Variants in IMMP2L observed in about 807,000 individuals in gnomAD.
IMMP2L encodes inner mitochondrial membrane peptidase subunit 2, also known as mitochondrial inner membrane protease subunit 2.
Under a neutral mutation model 19.3 loss-of-function variants are expected in IMMP2L, and 18 were observed. The ratio of observed to expected loss-of-function variants is 0.93; its 90% CI spans 0.64 to 1.38. IMMP2L has a LOEUF of 1.38. IMMP2L is among the 40% of genes most tolerant of loss of function. The pLI, the probability that IMMP2L is intolerant of heterozygous loss-of-function variation, is 0.00. For synonymous variants in IMMP2L, 76 were observed against 73.0 expected (o/e 1.04, Z -0.21); for missense variants, 233 against 218.2 (o/e 1.07, Z -0.43).
chr7:111,445,278 A>G (rs1187631367), intron 3 of IMMP2L, among the ~76,000 whole-genome samples: 3 of 152,096 alleles, frequency 2.0e-5, no homozygotes, highest in Non-Finnish European at 4.4e-5. Context: ...GAAATCTCAT[A>G]TATTTTTCCA....
At chr7:111,152,029 T>A (rs536795429) in intron 3 of IMMP2L, among the ~76,000 whole-genome samples, 15 of 152,250 alleles carry the variant, frequency 9.9e-5, no homozygotes, top group African/African-American at 3.6e-4. Flanking sequence ...TCTGTATGAA[T>A]GACCTTATCC....
rs886703125 is a variant in IMMP2L, at chr7:111,283,700, G to A, written c.239+203538C>T. On this transcript the variant is annotated intron_variant, in intron 3 of 5. Transcript: ENST00000405709. ...AAAAGAGACATGATTGGCCGGGCGC[G>A]GTGGCTCACGCCTGTAATCCCAGCA... Among the ~76,000 whole-genome samples the A allele has an allele frequency of 1.1e-4, 17 of 152,096 alleles. No homozygotes were observed. In the East Asian group the frequency reaches 1.2e-3, roughly 10 times the overall value.
At chr7:111,347,125 A>G (rs75022314) in intron 3 of IMMP2L, among the ~76,000 whole-genome samples, 5,229 of 152,224 alleles carry the variant, frequency 0.034, 287 homozygotes, top group African/African-American at 0.12. Context: ...AAACTCAGAG[A>G]GAACAGAGGC....
chr7:111,280,308 A>T (rs879428172), intron 3 of IMMP2L, among the ~76,000 whole-genome samples: 1 of 152,026 alleles, frequency 6.6e-6, no homozygotes, highest in African/African-American at 2.4e-5. Context: ...TGCATGGCTC[A>T]TTCACATCCT....
chr7:111,539,204 A>AGGG (rs879777334), intron 1 of IMMP2L, among the ~76,000 whole-genome samples: 4 of 33,992 alleles, frequency 1.2e-4, no homozygotes, highest in Admixed American at 6.5e-4. Context: ...GGGAGAAAGA[A>AGGG]AGAAAGAAAG....
chr7:110,849,838 T>A (rs1297536708), intron 5 of IMMP2L, among the ~76,000 whole-genome samples: 2 of 152,088 alleles, frequency 1.3e-5, no homozygotes, highest in African/African-American at 4.8e-5. Flanking sequence ...GTAGAAAAGA[T>A]TCATTTATTA....
chr7:110,876,182 T>C (rs1809046470), intron 5 of IMMP2L, among the ~76,000 whole-genome samples: 1 of 152,204 alleles, frequency 6.6e-6, no homozygotes, highest in African/African-American at 2.4e-5. Context: ...TTTTAAAACA[T>C]GCTTTTCTAT....
chr7:110,962,678 C>A, intron 4 of IMMP2L: 1 of 984,020 alleles, frequency 1.0e-6, no homozygotes, highest in Non-Finnish European at 1.2e-6. Flanking sequence ...TCTGGCCATG[C>A]TGTGAGAACT....
chr7:110,977,411 C>CATCT (rs1820811446), intron 3 of IMMP2L, among the ~76,000 whole-genome samples: 2 of 151,934 alleles, frequency 1.3e-5, no homozygotes, highest in Non-Finnish European at 2.9e-5. Context: ...AGCGGCCGAG[C>CATCT]ATCTGCTTTA....
At chr7:111,212,358 A>C (rs1811419835) in intron 3 of IMMP2L, among the ~76,000 whole-genome samples, 1 of 152,180 alleles carries the variant, frequency 6.6e-6, no homozygotes, top group Non-Finnish European at 1.5e-5. Flanking sequence ...CCTGTAATCC[A>C]AGCAGTTTGG....
At chr7:111,296,974 C>G (rs1428880608) in intron 3 of IMMP2L, among the ~76,000 whole-genome samples, 3 of 151,934 alleles carry the variant, frequency 2.0e-5, no homozygotes, top group African/African-American at 7.2e-5. Context: ...ATATAATATT[C>G]TCTAAATGGC....
At chr7:111,220,750 C>A (rs1422380893) in intron 3 of IMMP2L, among the ~76,000 whole-genome samples, 1 of 151,920 alleles carries the variant, frequency 6.6e-6, no homozygotes, top group Admixed American at 6.6e-5. Context: ...AAAGCTGGAG[C>A]CTCAGGAAAG....
chr7:111,421,035 C>T (rs1835465621), intron 3 of IMMP2L, among the ~76,000 whole-genome samples: 1 of 151,788 alleles, frequency 6.6e-6, no homozygotes, highest in Non-Finnish European at 1.5e-5. Context: ...AGTGTAAAAG[C>T]ATTCCTATTT....
At chr7:111,047,302 C>T (rs1792500696) in intron 3 of IMMP2L, among the ~76,000 whole-genome samples, 2 of 151,948 alleles carry the variant, frequency 1.3e-5, no homozygotes, top group African/African-American at 4.8e-5. Context: ...ATTCTCCTGC[C>T]TCAACCTTCC....
intron 3 of IMMP2L, among the ~76,000 whole-genome samples, chr7:111,415,937 C>T (rs1217932182): frequency 1.3e-5 from 2 of 151,492 alleles, no homozygotes; most frequent in African/African-American, 4.9e-5. Context: ...GCAAATAAAA[C>T]ATATCATGAG....
chr7:111,124,374 C>T (rs1801030583), intron 3 of IMMP2L: 1 of 1,613,486 alleles, frequency 6.2e-7, no homozygotes, highest in East Asian at 2.2e-5. Flanking sequence ...ATATTCAGGC[C>T]AATTCAGTTT....
At chr7:111,500,766 T>C (rs1274412890) in intron 2 of IMMP2L, among the ~76,000 whole-genome samples, 1 of 152,122 alleles carries the variant, frequency 6.6e-6, no homozygotes, top group Non-Finnish European at 1.5e-5. Context: ...GAGGGTCCTG[T>C]CTGTTAGAAG....
intron 4 of IMMP2L, among the ~76,000 whole-genome samples, chr7:110,944,323 G>T (rs781537375): frequency 1.3e-5 from 2 of 151,970 alleles, no homozygotes; most frequent in South Asian, 4.1e-4. Flanking sequence ...TCAGGGTAAG[G>T]ATACAGGATG....
intron 4 of IMMP2L, among the ~76,000 whole-genome samples, chr7:110,918,388 C>A (rs1813855403): frequency 6.6e-6 from 1 of 151,712 alleles, no homozygotes; most frequent in Non-Finnish European, 1.5e-5. Context: ...CACCATAATC[C>A]CCTTATTTAA....
Sources: allele counts gnomAD v4.1 joint callset (sites outside exome capture counted in the v4.1 genomes callset), GRCh38; gene constraint gnomAD v4.1.1; transcripts MANE v1.5; gene names NCBI Gene and HGNC (gene_info 2026-07-23, HGNC 2026-07-21).